Variants in LMO2 observed in about 807,000 individuals in gnomAD.
The protein encoded by LMO2 is rhombotin-2.
LMO2 carries 20 observed loss-of-function variants against 23.2 expected under a neutral mutation model. That is an observed-to-expected ratio of 0.86 (90% CI 0.61 to 1.25). The LOEUF is 1.25. Among genes scored for constraint, LMO2 ranks in the 50% most tolerant of loss-of-function variants. The pLI is 0.00. For missense variants in LMO2, 270 were observed against 315.3 expected, an observed-to-expected ratio of 0.86 and a Z score of 1.09; for synonymous variants, 123 against 130.2, an observed-to-expected ratio of 0.94 and a Z score of 0.38.
intron 5 of LMO2, among the ~76,000 whole-genome samples, chr11:33,861,522 C>G (rs1243620620): frequency 6.6e-6 from 1 of 152,188 alleles, no homozygotes; most frequent in Non-Finnish European, 1.5e-5. Flanking sequence ...TGGGAGCAAA[C>G]TCATTACTGG....
Position 33,869,732 on chromosome 11 carries a change from G to T in LMO2, c.-16C>A. ...AACCTTCCATCCCGGTCCCGCCGCC[G>T]CCACCGCCCGGTCCCTCTCGCGCGC... On this transcript the variant is annotated 5_prime_UTR_variant, in exon 3 of 6. Transcript: ENST00000257818. 7.8e-7 allele frequency: 1 copy of T among 1,283,186 alleles called. No individual in the cohort carries two copies. The highest frequency in any genetic ancestry group is 1.0e-6 in the Non-Finnish European group (1 of 998,132). The allele number at this position is 1,283,186 out of a possible 1,614,324, so 79.5% of individuals were successfully genotyped here.
intron 5 of LMO2, 139 bp from the exon 6 acceptor site, chr11:33,859,714 C>G (rs1024552709): frequency 3.0e-6 from 2 of 671,508 alleles, no homozygotes; most frequent in African/African-American, 3.6e-5. Flanking sequence ...AGAAGGAGGG[C>G]CGGCTAGTGC....
At chr11:33,887,415 T>C (rs1014608729) in intron 1 of LMO2, among the ~76,000 whole-genome samples, 2 of 152,126 alleles carry the variant, frequency 1.3e-5, no homozygotes, top group African/African-American at 4.8e-5. Flanking sequence ...GAGTGACATA[T>C]TGCACCCACC....
chr11:33,877,986 C>T (rs1161438226), intron 2 of LMO2, among the ~76,000 whole-genome samples: 1 of 152,148 alleles, frequency 6.6e-6, no homozygotes, highest in Non-Finnish European at 1.5e-5. Flanking sequence ...CTGTTTTCTT[C>T]CCTGTCAACA....
At chr11:33,877,858 AGGTATCCTTTGGC>A (rs1857173022) in intron 2 of LMO2, among the ~76,000 whole-genome samples, 1 of 107,404 alleles carries the variant, frequency 9.3e-6, no homozygotes, top group African/African-American at 3.1e-5. Flanking sequence ...TTGTTGAGGG[AGGTATCCTTTGGC>A]AAAAAAAAAC....
intron 1 of LMO2, among the ~76,000 whole-genome samples, chr11:33,891,179 T>C (rs911132623): frequency 1.4e-4 from 22 of 152,190 alleles, no homozygotes; most frequent in Non-Finnish European, 1.5e-5. Context: ...CTCATCCGCC[T>C]TGGTTTTTCA....
chr11:33,869,178 C>A (rs1196080663), intron 4 of LMO2, among the ~76,000 whole-genome samples, 168 bp downstream of exon 4: 1 of 152,088 alleles, frequency 6.6e-6, no homozygotes, highest in East Asian at 1.9e-4. Context: ...CCAGAGCCCC[C>A]GGAATCACCC....
At position 33,869,870 on chromosome 11, in the gene LMO2, G is replaced by C. The variant is rs534578406; in HGVS notation, c.-154C>G. ...CGCTGCTCGCCGCCGAGGGCAGAGA[G>C]GGGGCGGCGGCCTAGGGGCGGGGAG... On this transcript the variant is annotated 5_prime_UTR_variant, in exon 3 of 6. Coordinates refer to ENST00000257818, the MANE Select transcript of LMO2 (RefSeq NM_005574.4). 3.3e-5 allele frequency: 35 copies of C among 1,052,836 alleles called. No individual in the cohort carries two copies. In the East Asian group the frequency reaches 1.9e-3, roughly 58 times the overall value. 65.2% of individuals were successfully genotyped at this position (1,052,836 alleles called of 1,614,324 possible). A position where few individuals can be genotyped will look rare whatever the true frequency, so the allele number is the denominator to read the frequency against.
chr11:33,876,395 G>C (rs995212291), intron 2 of LMO2, among the ~76,000 whole-genome samples: 1 of 152,182 alleles, frequency 6.6e-6, no homozygotes, highest in African/African-American at 2.4e-5. Flanking sequence ...CTAACGTGTG[G>C]CTGGCCCTCA....
chr11:33,861,568 G>GA (rs1346344681), intron 5 of LMO2, among the ~76,000 whole-genome samples: 1 of 152,188 alleles, frequency 6.6e-6, no homozygotes, highest in Non-Finnish European at 1.5e-5. Context: ...GCAGATGGTG[G>GA]AGCTGCAGGT....
intron 5 of LMO2, among the ~76,000 whole-genome samples, chr11:33,860,589 CTG>C (rs1255800486): frequency 1.3e-5 from 2 of 152,214 alleles, no homozygotes; most frequent in Non-Finnish European, 2.9e-5. Context: ...CATGGTGAAA[CTG>C]TGTCTTTACA....
At position 33,870,499 on chromosome 11, in the gene LMO2, C is replaced by G. The variant is rs949067508; in HGVS notation, c.-271-512G>C. On this transcript the variant is annotated intron_variant, in intron 2 of 5. Coordinates refer to ENST00000257818, the MANE Select transcript of LMO2 (RefSeq NM_005574.4). ...CAGGCTGCGGGCTCCGGGCTGCGGGCTCCGGGCTGCGGCCGCGCTCTGCAG... is the reference window on the plus strand; with the variant it reads ...CAGGCTGCGGGCTCCGGGCTGCGGGGTCCGGGCTGCGGCCGCGCTCTGCAG... 27 of 987,174 alleles carry G rather than the reference C, an allele frequency of 2.7e-5. No individual in the cohort carries two copies. The African/African-American group carries it at 4.5e-4, about 17-fold the overall frequency. 61.2% of individuals were successfully genotyped at this position (987,174 alleles called of 1,614,324 possible).
chr11:33,866,156 G>A (rs921363635), intron 4 of LMO2, among the ~76,000 whole-genome samples: 2 of 152,204 alleles, frequency 1.3e-5, no homozygotes, highest in Non-Finnish European at 2.9e-5. Context: ...AGGAGGCTAG[G>A]TGGCTCAATG....
chr11:33,863,644 A>G (rs932832309), intron 5 of LMO2, among the ~76,000 whole-genome samples: 1 of 152,218 alleles, frequency 6.6e-6, no homozygotes, highest in Non-Finnish European at 1.5e-5. Flanking sequence ...TTACCTCCAC[A>G]GCAGCTCATC....
chr11:33,870,813 G>T (rs1856999709), intron 2 of LMO2, among the ~76,000 whole-genome samples: 1 of 152,218 alleles, frequency 6.6e-6, no homozygotes, highest in African/African-American at 2.4e-5. Flanking sequence ...CAGGCACAGA[G>T]AAAGAAGGCG....
chr11:33,877,517 T>G (rs1352866045), intron 2 of LMO2, among the ~76,000 whole-genome samples: 1 of 135,506 alleles, frequency 7.4e-6, no homozygotes, highest in Admixed American at 8.6e-5. Context: ...CAGGCTGGAG[T>G]GCGGTGGCGT....
chr11:33,883,245 T>A (rs114686331), intron 1 of LMO2, among the ~76,000 whole-genome samples: 1,847 of 152,306 alleles, frequency 0.012, 36 homozygotes, highest in African/African-American at 0.042. Context: ...GATAAGTTAG[T>A]AGACACTGTC....
At chr11:33,869,676 C>A (rs769372086) in intron 3 of LMO2, 34 bp downstream of exon 3, 17 of 1,263,332 alleles carry the variant, frequency 1.3e-5, no homozygotes, top group African/African-American at 8.0e-5. Flanking sequence ...TGGCTCCAGG[C>A]GGCTGCAGCT....
At chr11:33,887,965 G>A (rs931965734) in intron 1 of LMO2, among the ~76,000 whole-genome samples, 6 of 152,156 alleles carry the variant, frequency 3.9e-5, no homozygotes, top group Admixed American at 3.3e-4. Flanking sequence ...GGGTTGGGGT[G>A]GGGAGAGGCT....
Sources: gnomAD v4.1 joint callset for allele counts (sites outside exome capture counted in the v4.1 genomes callset) on GRCh38, gnomAD v4.1.1 for gene constraint, MANE v1.5 for transcripts, NCBI Gene and HGNC (gene_info 2026-07-23, HGNC 2026-07-21) for gene names.